Variants in LUC7L2 observed in about 807,000 individuals in gnomAD.
The protein encoded by LUC7L2 is LUC7 like 2, pre-mRNA splicing factor, also known as putative RNA-binding protein Luc7-like 2.
Under a neutral mutation model 52.8 loss-of-function variants are expected in LUC7L2, and 25 were observed. The ratio of observed to expected loss-of-function variants is 0.47; its 90% CI spans 0.34 to 0.66. The LOEUF (loss-of-function observed/expected upper bound fraction) is 0.66, where lower values mean the gene tolerates loss of function less well. LUC7L2 is among the 30% of genes least tolerant of loss of function. The pLI is 0.01. For missense variants in LUC7L2, 328 were observed against 497.8 expected (o/e 0.66, Z 3.25); for synonymous variants, 144 against 160.9 (o/e 0.89, Z 0.80).
intron 7 of LUC7L2, among the ~76,000 whole-genome samples, chr7:139,410,269 G>T (rs371515228): frequency 5.3e-5 from 8 of 150,998 alleles, no homozygotes; most frequent in African/African-American, 2.0e-4. Flanking sequence ...TATTGGGCTA[G>T]ATTTGCACCA....
intron 2 of LUC7L2, among the ~76,000 whole-genome samples, chr7:139,381,512 C>T (rs565555010): frequency 7.1e-4 from 108 of 151,540 alleles, no homozygotes; most frequent in South Asian, 1.3e-3. Context: ...TGGGATCAAG[C>T]AAGTCTCCCG....
chr7:139,422,020 A>G (rs1795930940), intron 9 of LUC7L2, 143 bp from the exon 10 acceptor site: 1 of 1,315,472 alleles, frequency 7.6e-7, no homozygotes, highest in Non-Finnish European at 1.0e-6. Flanking sequence ...GTGCTCTGTA[A>G]TTTGTCAGAA....
At chr7:139,355,270 C>T (rs575881766), upstream of LUC7L2, among the ~76,000 whole-genome samples, 11 of 151,864 alleles carry the variant, frequency 7.2e-5, no homozygotes, top group South Asian at 8.3e-4. Flanking sequence ...TCTTCAGTTA[C>T]CTAAAAAGGA....
chr7:139,408,217 G>A (rs1467603846), intron 6 of LUC7L2, among the ~76,000 whole-genome samples: 1 of 152,166 alleles, frequency 6.6e-6, no homozygotes, highest in East Asian at 1.9e-4. Context: ...ATTCTGAGTA[G>A]CTAGGGTGAT....
intron 3 of LUC7L2, 82 bp downstream of exon 3, chr7:139,398,779 A>T: frequency 1.5e-6 from 2 of 1,330,344 alleles, no homozygotes; most frequent in Non-Finnish European, 2.1e-6. Flanking sequence ...CTTAATAGGA[A>T]AAACTCTTAG....
chr7:139,394,659 A>T (rs185460458), intron 2 of LUC7L2, among the ~76,000 whole-genome samples: 1 of 152,342 alleles, frequency 6.6e-6, no homozygotes, highest in East Asian at 1.9e-4. Flanking sequence ...AAGTAAGATA[A>T]AGGAGATACG....
rs1800698018 is a variant in LUC7L2, at chr7:139,376,168, C to T, written c.156+12C>T. ...TCCTTTCTGGAACTGTATGTATTTA[C>T]TAAATGTATTGTTAGATTACTGATA... On this transcript the variant is annotated intron_variant, in intron 2 of 9. Coordinates refer to ENST00000354926, the MANE Select transcript of LUC7L2 (RefSeq NM_016019.5). The T allele has an allele frequency of 4.3e-6, 7 of 1,612,662 alleles. No individual in the cohort carries two copies. Among genetic ancestry groups the T allele is most frequent in the Non-Finnish European group, 5.9e-6 (7 of 1,179,088 alleles).
chr7:139,388,072 G>A (rs1794283771), intron 2 of LUC7L2, among the ~76,000 whole-genome samples: 1 of 151,968 alleles, frequency 6.6e-6, no homozygotes, highest in Non-Finnish European at 1.5e-5. Flanking sequence ...TACTATATGT[G>A]ATTGCCTTAC....
chr7:139,405,278 A>C (rs748597814), intron 4 of LUC7L2, among the ~76,000 whole-genome samples: 2 of 152,230 alleles, frequency 1.3e-5, no homozygotes, highest in Admixed American at 6.5e-5. Context: ...GAGGTAGAAA[A>C]CAACAGGGTA....
At chr7:139,343,597 A>G (rs1383614802) in intron 1 of LUC7L2, among the ~76,000 whole-genome samples, 2 of 152,106 alleles carry the variant, frequency 1.3e-5, no homozygotes, top group African/African-American at 4.8e-5. Flanking sequence ...AAGAAGCCAC[A>G]CACATTCTAG....
At chr7:139,407,446 A>G in intron 6 of LUC7L2, 96 bp downstream of exon 6, 2 of 1,363,458 alleles carry the variant, frequency 1.5e-6, no homozygotes, top group Admixed American at 5.6e-5. Context: ...ATTCAGTAAT[A>G]TAGTATCTAA....
At chr7:139,345,934 TTTTAA>T in intron 1 of LUC7L2, 1 of 381,806 alleles carries the variant, frequency 2.6e-6, no homozygotes, top group South Asian at 3.9e-5. Flanking sequence ...TTATATTTTA[TTTTAA>T]AAGTAGTACA....
upstream of LUC7L2, among the ~76,000 whole-genome samples, chr7:139,357,302 A>G: frequency 6.6e-6 from 1 of 152,158 alleles, no homozygotes; most frequent in Non-Finnish European, 1.5e-5. Context: ...CATGAATATA[A>G]ATCATCAATG....
intron 8 of LUC7L2, among the ~76,000 whole-genome samples, chr7:139,413,153 T>G (rs890839642): frequency 4.6e-5 from 7 of 152,228 alleles, no homozygotes; most frequent in African/African-American, 1.7e-4. Flanking sequence ...GACAATACTT[T>G]GTTTTGACTT....
intron 9 of LUC7L2, 25 bp downstream of exon 9, chr7:139,417,754 A>T: frequency 6.2e-7 from 1 of 1,604,810 alleles, no homozygotes; most frequent in Non-Finnish European, 8.5e-7. Context: ...ATCAGAGGAT[A>T]TGGAGCTACC....
At chr7:139,389,520 T>C (rs1165676460) in intron 2 of LUC7L2, among the ~76,000 whole-genome samples, 1 of 152,202 alleles carries the variant, frequency 6.6e-6, no homozygotes, top group Admixed American at 6.6e-5. Context: ...CTATTATTTG[T>C]CTTCTGTGTA....
At chr7:139,407,863 T>C (rs1000271296) in intron 6 of LUC7L2, among the ~76,000 whole-genome samples, 5 of 152,194 alleles carry the variant, frequency 3.3e-5, no homozygotes, top group African/African-American at 9.7e-5. Context: ...TTAAATAATA[T>C]AGGCTTTTGT....
intron 2 of LUC7L2, among the ~76,000 whole-genome samples, chr7:139,390,489 A>G (rs1203305276): frequency 6.6e-6 from 1 of 151,666 alleles, no homozygotes; most frequent in African/African-American, 2.4e-5. Context: ...TCGGCCTCCC[A>G]AAGTGCTGGG....
intron 2 of LUC7L2, 128 bp from the exon 3 acceptor site, chr7:139,398,471 A>G: frequency 3.2e-6 from 2 of 618,388 alleles, no homozygotes; most frequent in South Asian, 7.8e-5. Flanking sequence ...AAATTTTGTA[A>G]TTTGGAAGCC....
Sources: allele counts gnomAD v4.1 joint callset (sites outside exome capture counted in the v4.1 genomes callset), GRCh38; gene constraint gnomAD v4.1.1; transcripts MANE v1.5; gene names NCBI Gene and HGNC (gene_info 2026-07-23, HGNC 2026-07-21).